Variants in CHD7 observed in about 807,000 individuals in gnomAD.
CHD7 encodes the protein chromodomain helicase DNA binding protein 7, also known as ATP-dependent chromatin remodeler CHD7.
A neutral mutation model predicts 307.3 loss-of-function variants in CHD7; 24 were observed. The observed-to-expected ratio is 0.08, with a 90% CI of 0.06 to 0.11. CHD7 has a LOEUF of 0.11. Ranked by LOEUF, CHD7 falls within the 10% of genes least tolerant of loss-of-function variation. CHD7 has a pLI of 1.00. For synonymous variants in CHD7, 1,363 were observed against 1,349.9 expected (o/e 1.01, Z -0.21); for missense variants, 3,106 against 3,727.1 (o/e 0.83, Z 4.34).
chr8:60,789,877 G>A (rs1006667693), intron 3 of CHD7, among the ~76,000 whole-genome samples: 53 of 152,158 alleles, frequency 3.5e-4, no homozygotes, highest in Non-Finnish European at 1.0e-4. Context: ...GACATATACT[G>A]CTCTCTGAAT....
At position 60,860,778 on chromosome 8, in the gene CHD7, T is replaced by G. The variant is rs957753473; in HGVS notation, c.7609-126T>G. On this transcript the variant is annotated intron_variant, in intron 34 of 37. Coordinates refer to ENST00000423902, the MANE Select transcript of CHD7 (RefSeq NM_017780.4). ...TAGCTGTTCCCAAACAACTAGACAT[T>G]GTTTCTAGTAACTATTTTCTCTTTT... 11 of 763,628 alleles carry G rather than the reference T, an allele frequency of 1.4e-5. No homozygotes were observed. The African/African-American group carries it at 1.6e-4, about 11-fold the overall frequency. The allele number at this position is 763,628 out of a possible 1,614,324, so 47.3% of individuals were successfully genotyped here.
At position 60,742,017 on chromosome 8, in the gene CHD7, T is replaced by C; in HGVS notation, c.585T>C (p.Arg195=). 1 of 1,613,666 alleles carries C rather than the reference T, an allele frequency of 6.2e-7. No individual in the cohort carries two copies. The highest frequency in any genetic ancestry group is 8.5e-7 in the Non-Finnish European group (1 of 1,179,830). ...AGCAGATGGGCAGCTATATGGCACG[T>C]GGGGATTTTTCCATGCAGCAGCATG... ...HMQQMGSYMA[R]GDFSMQQHGQ... The change falls in exon 2 of 38, where the codon CGT becomes CGC. Residue 195 remains arginine, a synonymous_variant. Coordinates refer to ENST00000423902, the MANE Select transcript of CHD7 (RefSeq NM_017780.4).
intron 1 of CHD7, among the ~76,000 whole-genome samples, chr8:60,718,349 G>A (rs1456188838): frequency 1.3e-5 from 2 of 151,994 alleles, no homozygotes; most frequent in Admixed American, 1.3e-4. Flanking sequence ...GTGGTGGCAG[G>A]CGCTAATCTC....
chr8:60,817,741 A>C (rs1292775534), intron 8 of CHD7, among the ~76,000 whole-genome samples: 1 of 152,216 alleles, frequency 6.6e-6, no homozygotes, highest in Non-Finnish European at 1.5e-5. Flanking sequence ...CAATGCTGTG[A>C]GATTCTATTT....
intron 4 of CHD7, among the ~76,000 whole-genome samples, chr8:60,796,061 A>G (rs1812017157): frequency 6.6e-6 from 1 of 152,140 alleles, no homozygotes; most frequent in South Asian, 2.1e-4. Flanking sequence ...AGAATTTCAG[A>G]TATTTTTGGC....
chr8:60,790,360 A>G (rs1218710487), intron 3 of CHD7, among the ~76,000 whole-genome samples: 1 of 152,166 alleles, frequency 6.6e-6, no homozygotes, highest in African/African-American at 2.4e-5. Flanking sequence ...CTTTTTGGTC[A>G]TTATCAGTAA....
rs116867549 is a variant in CHD7, at chr8:60,752,071, T to G, written c.1665+8974T>G. On this transcript the variant is annotated intron_variant, in intron 2 of 37. Transcript: ENST00000423902. Reference sequence around the variant, plus strand: ...TTCTTTAAAGTGTATTTGTCCTGTTTTCCTCTACTGCTTTCTGTGTTTAGT... The same window carrying G: ...TTCTTTAAAGTGTATTTGTCCTGTTGTCCTCTACTGCTTTCTGTGTTTAGT... 4.3e-3 allele frequency among the ~76,000 whole-genome samples: 656 copies of G among 152,318 alleles called. 1 individual carries two copies. The highest frequency in any genetic ancestry group is 0.016 in the Admixed American group (252 of 15,306).
chr8:60,787,404 A>C (rs1269934479), intron 3 of CHD7, among the ~76,000 whole-genome samples: 1 of 152,242 alleles, frequency 6.6e-6, no homozygotes, highest in African/African-American at 2.4e-5. Flanking sequence ...AATGTGGCAC[A>C]GGGAGTCAAA....
chr8:60,724,485 C>T (rs1563545545), intron 1 of CHD7, among the ~76,000 whole-genome samples: 1 of 152,176 alleles, frequency 6.6e-6, no homozygotes, highest in Non-Finnish European at 1.5e-5. Context: ...TTGAATGAAT[C>T]GCTTCCAAGT....
chr8:60,839,886 T>G (rs1804893052), intron 19 of CHD7, among the ~76,000 whole-genome samples: 1 of 152,240 alleles, frequency 6.6e-6, no homozygotes, highest in African/African-American at 2.4e-5. Context: ...AGCATATAAT[T>G]TTAATGAAGC....
rs752526149 is a variant in CHD7 at position 60,742,889 on chromosome 8, G to T, written c.1457G>T (p.Gly486Val). The T allele has an allele frequency of 1.2e-6, 2 of 1,612,344 alleles. No individual in the cohort carries two copies. Among genetic ancestry groups the T allele is most frequent in the Admixed American group, 3.3e-5 (2 of 59,714 alleles). Residue 486 changes from glycine to valine, a missense_variant, in exon 2 of 38, where the codon GGA (glycine) becomes GTA (valine). Transcript: ENST00000423902. ...RPNGCPGVGL[G>V]DPQAIQERLI... ...AATGGTTGTCCTGGTGTTGGCCTTG[G>T]AGACCCACAAGCAATCCAGGAACGA...
chr8:60,821,311 C>T (rs931380641), intron 9 of CHD7, among the ~76,000 whole-genome samples: 4 of 152,036 alleles, frequency 2.6e-5, no homozygotes, highest in Non-Finnish European at 4.4e-5. Flanking sequence ...TTTTGGCTTT[C>T]GAACATCACT....
rs1247018050 is a variant in CHD7 at position 60,739,232 on chromosome 8, A to T, written c.-174-2027A>T. Among the ~76,000 whole-genome samples the T allele has an allele frequency of 2.0e-5, 3 of 152,160 alleles. No individual in the cohort carries two copies. In the East Asian group the frequency reaches 5.8e-4, roughly 29 times the overall value. ...GGAGGATGAAGCTGCTCCCCAGGAC[A>T]CATATGTAGACGTTACTTTCCTTAA... On this transcript the variant is annotated intron_variant, in intron 1 of 37. Coordinates refer to ENST00000423902, the MANE Select transcript of CHD7 (RefSeq NM_017780.4).
At chr8:60,802,972 A>G (rs980190703) in intron 6 of CHD7, among the ~76,000 whole-genome samples, 1 of 152,234 alleles carries the variant, frequency 6.6e-6, no homozygotes. Flanking sequence ...CCAGTTGAGT[A>G]TAGGGGATAC....
At chr8:60,809,686 A>AAAAAAG (rs1812703876) in intron 7 of CHD7, 2 of 140,166 alleles carry the variant, frequency 1.4e-5, no homozygotes, top group Non-Finnish European at 3.1e-5. Flanking sequence ...AAAAAAAAAA[A>AAAAAAG]AAAAAAAAGA....
In CHD7 at chr8:60,828,798, G is replaced by A; in HGVS notation, c.3514G>A (p.Glu1172Lys). The A allele has an allele frequency of 6.2e-7, 1 of 1,613,340 alleles. No individual in the cohort carries two copies. Among genetic ancestry groups the A allele is most frequent in the East Asian group, 2.2e-5 (1 of 44,864 alleles). The change falls in exon 14 of 38, where the codon GAA becomes AAA. Residue 1172 changes from glutamate (E) to lysine (K), a missense_variant. By Grantham distance (56) the Glu-to-Lys change is moderately conservative. This residue lies in a region of CHD7 where 232 missense variants were observed against 422.5 expected (regional missense o/e 0.55). Transcript: ENST00000423902. ...FMQEFGDLKTEEQVQKLQAIL... is the reference protein window; with the variant it reads ...FMQEFGDLKTKEQVQKLQAIL... The stretch of plus-strand genomic sequence containing the variant: ...GCAAGAATTTGGTGATCTAAAAACA[G>A]AAGAGCAGGTATTTATCAGCTCCAC...
chr8:60,840,833 G>A (rs2150784485), intron 19 of CHD7, among the ~76,000 whole-genome samples: 1 of 151,926 alleles, frequency 6.6e-6, no homozygotes, highest in East Asian at 1.9e-4. Flanking sequence ...AGCCAGGCTG[G>A]TCTCAAACTC....
chr8:60,734,616 A>G (rs1401015374), intron 1 of CHD7, among the ~76,000 whole-genome samples: 1 of 152,186 alleles, frequency 6.6e-6, no homozygotes, highest in Non-Finnish European at 1.5e-5. Flanking sequence ...GAGGCCAGGG[A>G]AGAGACCATG....
At position 60,732,882 on chromosome 8, in the gene CHD7, G is replaced by A. The variant is rs116502375; in HGVS notation, c.-174-8377G>A. Among the ~76,000 whole-genome samples the A allele has an allele frequency of 6.0e-3, 917 of 151,980 alleles. 15 individuals carry two copies. Among genetic ancestry groups the A allele is most frequent in the African/African-American group, 0.021 (855 of 41,438 alleles). On this transcript the variant is annotated intron_variant, in intron 1 of 37. Coordinates refer to ENST00000423902, the MANE Select transcript of CHD7 (RefSeq NM_017780.4). ...AAAAGTTTTCATTTACTTATTTCTA[G>A]ACCTGTCTCTTCATTTGATTTTCTT...
Sources: allele counts gnomAD v4.1 joint callset (sites outside exome capture counted in the v4.1 genomes callset), GRCh38; gene constraint gnomAD v4.1.1; regional missense constraint gnomAD v4.1.1; transcripts MANE v1.5; gene names NCBI Gene and HGNC (gene_info 2026-07-23, HGNC 2026-07-21).